The following ADAM8 variants were observed in gnomAD, a reference collection of about 807,000 sequenced individuals.
The protein encoded by ADAM8 is disintegrin and metalloproteinase domain-containing protein 8.
ADAM8 carries 104 observed loss-of-function variants against 102.4 expected under a neutral mutation model. The ratio of observed to expected loss-of-function variants is 1.02; its 90% CI spans 0.87 to 1.20. ADAM8 has a LOEUF of 1.20. Among genes scored for constraint, ADAM8 ranks in the 50% most tolerant of loss-of-function variants. The pLI, the probability that ADAM8 is intolerant of heterozygous loss-of-function variation, is 0.00. For missense variants in ADAM8, 1,132 were observed against 1,159.0 expected (o/e 0.98, Z 0.34); for synonymous variants, 517 against 485.2 (o/e 1.07, Z -0.86).
chr10:133,276,734 C>T lies in ADAM8; in HGVS notation c.46+38G>A, dbSNP rs893397809. On this transcript the variant is annotated intron_variant, in intron 1 of 22. Transcript: ENST00000445355. ...GTCCTGCGGGGAGAGCCACCCTGCC[C>T]CGCGCTGCGCCCGGGACGGTTCCCT... 4.6e-6 allele frequency: 7 copies of T among 1,528,166 alleles called. No individual in the cohort carries two copies. In the Admixed American group the frequency reaches 1.2e-4, roughly 26 times the overall value. 94.7% of individuals were successfully genotyped at this position (1,528,166 alleles called of 1,614,324 possible).
At chr10:133,267,214 G>A in intron 21 of ADAM8, 138 bp downstream of exon 21, 4 of 931,798 alleles carry the variant, frequency 4.3e-6, no homozygotes, top group South Asian at 4.3e-5. Flanking sequence ...TCCTCACGAG[G>A]TCGGGCTAAC....
chr10:133,271,661 A>G lies in ADAM8; in HGVS notation c.1151T>C (p.Leu384Pro). 6.4e-7 allele frequency: 1 copy of G among 1,563,422 alleles called. No homozygotes were observed. Among genetic ancestry groups the G allele is most frequent in the Non-Finnish European group, 8.7e-7 (1 of 1,153,966 alleles). Residue 384 changes from leucine to proline, a missense_variant, in exon 12 of 23, where the codon CTG (leucine) becomes CCG (proline). Transcript: ENST00000445355. ...RMFSDCSQAY[L>P]ESFLERPQSV... ...CTGCGGCCGCTCCAAAAAGCTCTCCAGGTAGGCCTGGCTGCAGTCACTGAA... is the reference window on the plus strand; with the variant it reads ...CTGCGGCCGCTCCAAAAAGCTCTCCGGGTAGGCCTGGCTGCAGTCACTGAA...
intron 17 of ADAM8, 117 bp downstream of exon 17, chr10:133,269,780 C>A: frequency 8.0e-7 from 1 of 1,250,358 alleles, no homozygotes; most frequent in Non-Finnish European, 1.1e-6. Context: ...CCCCCATGGA[C>A]AGGACACGCC....
At chr10:133,263,642 C>CACTGTCAGCCCCGTGGGGAG (rs59673054) in intron 22 of ADAM8, 46 bp downstream of exon 22, 8 of 1,481,890 alleles carry the variant, frequency 5.4e-6, no homozygotes, top group East Asian at 2.6e-5. Context: ...GAGGCCGTGC[C>CACTGTCAGCCCCGTGGGGAG]GTCCATTGCA....
At position 133,271,071 on chromosome 10, in the gene ADAM8, C is replaced by T; in HGVS notation, c.1375-1G>A. On this transcript the variant is annotated splice_acceptor_variant, in intron 13 of 22. Coordinates refer to ENST00000445355, the MANE Select transcript of ADAM8 (RefSeq NM_001109.5). LOFTEE classifies it high-confidence loss of function. The stretch of plus-strand genomic sequence containing the variant: ...GGCACAGCTCACCAGCCGGCTTCAC[C>T]TGGCCCAGCAGAGAACAGCTCACCA... The T allele has an allele frequency of 6.2e-7, 1 of 1,609,848 alleles. No homozygotes were observed. Among genetic ancestry groups the T allele is most frequent in the Non-Finnish European group, 8.5e-7 (1 of 1,178,956 alleles).
intron 21 of ADAM8, 114 bp downstream of exon 21, chr10:133,267,238 A>T: frequency 8.2e-7 from 1 of 1,214,276 alleles, no homozygotes; most frequent in Non-Finnish European, 1.2e-6. Context: ...CCTTCTGTGT[A>T]CAGCAGGGGC....
chr10:133,272,174 C>T lies in ADAM8; in HGVS notation c.957+19G>A, dbSNP rs748721616. 9.4e-5 allele frequency: 145 copies of T among 1,549,484 alleles called. No individual in the cohort carries two copies. Among genetic ancestry groups the T allele is most frequent in the Non-Finnish European group, 1.2e-4 (138 of 1,146,468 alleles). On this transcript the variant is annotated intron_variant, in intron 10 of 22. Transcript: ENST00000445355. ...AGCTCTGGCCTCGGCCTGGCAAACC[C>T]GGGCAGGAGCCCCCTCACCTGGTTC...
intron 22 of ADAM8, 79 bp downstream of exon 22, chr10:133,263,609 A>AATGCCACCGTCAGCCCCGTGGGGAGGCC: frequency 3.1e-5 from 2 of 64,770 alleles, no homozygotes; most frequent in Non-Finnish European, 2.4e-5. Flanking sequence ...CCTCCAGGGC[A>AATGCCACCGTCAGCCCCGTGGGGAGGCC]GTGCCACCGT....
intron 22 of ADAM8, among the ~76,000 whole-genome samples, chr10:133,263,472 G>C (rs1846224548): frequency 6.6e-6 from 1 of 152,160 alleles, no homozygotes; most frequent in Admixed American, 6.5e-5. Context: ...ACTGACAGCC[G>C]GGGTCGGCAT....
In ADAM8 at chr10:133,271,537, G is replaced by A; in HGVS notation, c.1275C>T (p.Gly425=). 6.4e-7 allele frequency: 1 copy of A among 1,554,578 alleles called. No individual in the cohort carries two copies. Among genetic ancestry groups the A allele is most frequent in the Non-Finnish European group, 8.7e-7 (1 of 1,149,284 alleles). Residue 425 remains glycine (G), a synonymous_variant, in exon 12 of 23, where the codon GGC becomes GGT. Coordinates refer to ENST00000445355, the MANE Select transcript of ADAM8 (RefSeq NM_001109.5). ...FVERGEQCDC[G]PPEDCRNRCC... ...TGGGGCATGGACGCACCTCGGGGGG[G>A]CCGCAGTCGCACTGCTCCCCACGCT... is the stretch of plus-strand genomic sequence containing the variant.
At position 133,271,509 on chromosome 10, in the gene ADAM8, G is replaced by A. The variant is rs531698172; in HGVS notation, c.1284+19C>T. On this transcript the variant is annotated intron_variant, in intron 12 of 22. Transcript: ENST00000445355. Reference sequence around the variant, plus strand: ...TGGCACCCAGTGCTGACGGGAGCAGGTATGGGGCATGGACGCACCTCGGGG... The same window carrying A: ...TGGCACCCAGTGCTGACGGGAGCAGATATGGGGCATGGACGCACCTCGGGG... The A allele has an allele frequency of 1.2e-5, 18 of 1,542,226 alleles. No homozygotes were observed. In the African/African-American group the frequency reaches 1.9e-4, roughly 16 times the overall value.
chr10:133,272,051 C>T (rs1355785097), intron 10 of ADAM8, 97 bp from the exon 11 acceptor site: 1 of 1,553,114 alleles, frequency 6.4e-7, no homozygotes, highest in Non-Finnish European at 8.8e-7. Flanking sequence ...CAGCTTCCCG[C>T]CAACACCACC....
intron 21 of ADAM8, among the ~76,000 whole-genome samples, chr10:133,265,805 A>T (rs1386446795): frequency 6.6e-6 from 1 of 152,168 alleles, no homozygotes; most frequent in African/African-American, 2.4e-5. Flanking sequence ...CTCAAAAAAA[A>T]AAAAGAGAGA....
At chr10:133,269,368 G>A (rs536056156) in intron 18 of ADAM8, 77 bp downstream of exon 18, 198 of 1,386,758 alleles carry the variant, frequency 1.4e-4, no homozygotes, top group Middle Eastern at 5.5e-4. Flanking sequence ...TCCCGGGCCC[G>A]CGGCTTCTGC....
Position 133,268,795 on chromosome 10 carries a change from C to T in ADAM8, c.2016G>A (p.Leu672=). ...CTTTGCGGTAGACGATGATGCCTGC[C>T]AGGGTGACCAGCACAACTGCCAGGA... ...LVLLAVVLVT[L]AGIIVYRKAR... is the part of the protein sequence containing the mutation. Residue 672 remains leucine (L), a synonymous_variant, in exon 19 of 23, where the codon CTG becomes CTA. Transcript: ENST00000445355. The T allele has an allele frequency of 6.2e-7, 1 of 1,610,842 alleles. No homozygotes were observed. The highest frequency in any genetic ancestry group is 8.5e-7 in the Non-Finnish European group (1 of 1,179,896).
chr10:133,272,473 G>A lies in ADAM8; in HGVS notation c.818C>T (p.Thr273Ile), dbSNP rs369578945. The change falls in exon 9 of 23, where the codon ACC (threonine) becomes ATC (isoleucine). Residue 273 changes from threonine (T) to isoleucine (I), a missense_variant. Physicochemically the swap from Thr to Ile is moderately conservative, Grantham distance 89. Transcript: ENST00000445355. ...CCGTGTCCGTTGCCGTGCCTGCCAG[G>A]TCAGGAGGTTCTCCAGTGTGACACT... Reference protein sequence around the residue: ...DPSVTLENLLTWQARQRTRRH... With the variant: ...DPSVTLENLLIWQARQRTRRH... 5.6e-6 allele frequency: 9 copies of A among 1,611,882 alleles called. No individual in the cohort carries two copies. Among genetic ancestry groups the A allele is most frequent in the Non-Finnish European group, 5.9e-6 (7 of 1,179,810 alleles).
intron 5 of ADAM8, 98 bp from the exon 6 acceptor site, chr10:133,273,541 T>C (rs1378633653): frequency 7.2e-7 from 1 of 1,385,504 alleles, no homozygotes; most frequent in Non-Finnish European, 9.7e-7. Context: ...CAGCTCCCCC[T>C]ACCCTGCCAC....
chr10:133,264,597 G>A (rs535233829), intron 21 of ADAM8, among the ~76,000 whole-genome samples: 28 of 152,308 alleles, frequency 1.8e-4, no homozygotes, highest in African/African-American at 2.9e-4. Context: ...GGGGAAGCCC[G>A]TGAGAGTGAA....
rs753657094 is a variant in ADAM8, at chr10:133,274,173, G to A, written c.213C>T (p.His71=). The A allele has an allele frequency of 6.3e-7, 1 of 1,588,682 alleles. No individual in the cohort carries two copies. The highest frequency in any genetic ancestry group is 1.1e-5 in the South Asian group (1 of 87,738). ...LGATGHNFTL[H]LRKNRDLLGS... Reference sequence around the variant, plus strand: ...GACCCACTCACCTGTTCTTCCGCAGGTGGAGGGTGAAGTTGTGCCCTGTGG... The same window carrying A: ...GACCCACTCACCTGTTCTTCCGCAGATGGAGGGTGAAGTTGTGCCCTGTGG... Residue 71 remains histidine, a synonymous_variant, in exon 3 of 23, where the codon CAC becomes CAT. Coordinates refer to ENST00000445355, the MANE Select transcript of ADAM8 (RefSeq NM_001109.5).
Sources: gnomAD v4.1 joint callset for allele counts (sites outside exome capture counted in the v4.1 genomes callset) on GRCh38, gnomAD v4.1.1 for gene constraint, MANE v1.5 for transcripts, NCBI Gene and HGNC (gene_info 2026-07-23, HGNC 2026-07-21) for gene names.